RSPO4: variants seen among roughly 807,000 people sequenced by gnomAD.
RSPO4 encodes R-spondin-4.
A neutral mutation model predicts 24.8 loss-of-function variants in RSPO4; 23 were observed. The ratio of observed to expected loss-of-function variants is 0.93; its 90% CI spans 0.67 to 1.31. The LOEUF (loss-of-function observed/expected upper bound fraction) is 1.31. Ranked by LOEUF, RSPO4 falls within the 40% of genes most tolerant of loss-of-function variation. RSPO4 has a pLI of 0.00. For missense variants in RSPO4, 333 were observed against 316.5 expected (o/e 1.05, Z -0.39); for synonymous variants, 141 against 127.4 (o/e 1.11, Z -0.72).
rs542081072 is a variant in RSPO4, at chr20:964,137, G to GAGAC, written c.410-21_410-18dup. On this transcript the variant is annotated splice_polypyrimidine_tract_variant and intron_variant, in intron 3 of 4. Coordinates refer to ENST00000217260, the MANE Select transcript of RSPO4 (RefSeq NM_001029871.4). ...CACACTCCCCTGTGGGGTGAAAGGAGAGACAGACAGACAGACAGACAGGGT... is the reference window on the plus strand; with the variant it reads ...CACACTCCCCTGTGGGGTGAAAGGAGAGACAGACAGACAGACAGACAGACAGGGT... The GAGAC allele has an allele frequency of 1.0e-4, 162 of 1,597,792 alleles. No individual in the cohort carries two copies. In the South Asian group the frequency reaches 1.1e-3, roughly 11 times the overall value.
intron 1 of RSPO4, among the ~76,000 whole-genome samples, chr20:997,721 C>A (rs775462447): frequency 3.9e-5 from 6 of 152,338 alleles, no homozygotes; most frequent in Non-Finnish European, 8.8e-5. Flanking sequence ...TGGCCCTCCA[C>A]AAGGGGCTTT....
At chr20:996,471 C>T (rs1985294202) in intron 1 of RSPO4, among the ~76,000 whole-genome samples, 1 of 152,212 alleles carries the variant, frequency 6.6e-6, no homozygotes, top group Non-Finnish European at 1.5e-5. Context: ...ACCACCACCA[C>T]CAGCCTGCTC....
chr20:966,583 C>T (rs951689587), intron 3 of RSPO4, among the ~76,000 whole-genome samples: 1 of 152,100 alleles, frequency 6.6e-6, no homozygotes, highest in South Asian at 2.1e-4. Flanking sequence ...CAGTGCTCAG[C>T]CAGGTGTGGT....
intron 1 of RSPO4, among the ~76,000 whole-genome samples, chr20:980,198 C>T (rs1275303338): frequency 6.6e-6 from 1 of 152,148 alleles, no homozygotes. Flanking sequence ...GATATTCAAA[C>T]CCAGGCAGTG....
intron 1 of RSPO4, among the ~76,000 whole-genome samples, chr20:999,043 T>G (rs910470503): frequency 1.3e-5 from 2 of 150,094 alleles, no homozygotes; most frequent in African/African-American, 4.9e-5. Flanking sequence ...TGGGGTGCAG[T>G]GGCACAATCA....
intron 1 of RSPO4, among the ~76,000 whole-genome samples, chr20:996,942 T>G (rs1480647521): frequency 6.6e-6 from 1 of 152,176 alleles, no homozygotes; most frequent in Non-Finnish European, 1.5e-5. Context: ...CCGATGGGGT[T>G]CCTCTCAGAC....
At chr20:982,398 TGTC>T (rs942626938) in intron 1 of RSPO4, among the ~76,000 whole-genome samples, 2 of 152,258 alleles carry the variant, frequency 1.3e-5, no homozygotes, top group Non-Finnish European at 2.9e-5. Context: ...GCCATGAAGT[TGTC>T]AAGCATATGC....
intron 1 of RSPO4, among the ~76,000 whole-genome samples, chr20:999,322 T>C (rs1250212901): frequency 1.3e-5 from 2 of 152,188 alleles, no homozygotes; most frequent in Non-Finnish European, 1.5e-5. Context: ...GGTTACACTG[T>C]CTGTCTCCAC....
rs1313734393 is a variant in RSPO4, at chr20:968,062, C to T, written c.156G>A (p.Gln52=). Residue 52 remains glutamine (Q), a synonymous_variant, in exon 2 of 5, where the codon CAG becomes CAA. Coordinates refer to ENST00000217260, the MANE Select transcript of RSPO4 (RefSeq NM_001029871.4). ...SEENGCSTCQ[Q]RLFLFIRREG... ...CCCGGCGGATGAACAGGAAGAGCCTCTGCTGGCAGGTGGAACAGCCGTTCT... is the reference window on the plus strand; with the variant it reads ...CCCGGCGGATGAACAGGAAGAGCCTTTGCTGGCAGGTGGAACAGCCGTTCT... 6.2e-7 allele frequency: 1 copy of T among 1,614,232 alleles called. No individual in the cohort carries two copies.
intron 3 of RSPO4, 24 bp downstream of exon 3, chr20:967,150 C>A (rs762609352): frequency 1.2e-6 from 2 of 1,608,790 alleles, no homozygotes; most frequent in Middle Eastern, 1.7e-4. Flanking sequence ...GGGGCAGGGG[C>A]AGGGCGGGGA....
intron 1 of RSPO4, among the ~76,000 whole-genome samples, chr20:978,527 TC>T (rs1278395579): frequency 1.3e-5 from 2 of 152,208 alleles, no homozygotes; most frequent in Non-Finnish European, 2.9e-5. Context: ...ATTCATTATT[TC>T]TTAAATGAAT....
chr20:1,001,565 G>GTGC (rs1195686572), intron 1 of RSPO4, among the ~76,000 whole-genome samples: 3 of 152,160 alleles, frequency 2.0e-5, no homozygotes, highest in Admixed American at 2.0e-4. Context: ...CAGGTCTCAG[G>GTGC]TCTGGCTGAA....
Position 967,370 on chromosome 20 carries a change from C to T in RSPO4, c.269-56G>A. 7 of 1,598,830 alleles carry T rather than the reference C, an allele frequency of 4.4e-6. No homozygotes were observed. The East Asian group carries it at 1.1e-4, about 25-fold the overall frequency. On this transcript the variant is annotated intron_variant, in intron 2 of 4. Transcript: ENST00000217260. ...GGGAGACTGCCAAGGATGGGGCCCA[C>T]TGGGTCTGCCCGAGGTGGAAGGCCC...
rs776608135 is a variant in RSPO4, at chr20:968,111, G to C, written c.107C>G (p.Thr36Arg). 1 of 1,614,158 alleles carries C rather than the reference G, an allele frequency of 6.2e-7. No individual in the cohort carries two copies. The highest frequency in any genetic ancestry group is 8.5e-7 in the Non-Finnish European group (1 of 1,180,044). The part of the protein sequence containing the change: ...QVGTGLGGNC[T>R]GCIICSEENG... ...CTCCTCTGAGCAGATGATACAGCCT[G>C]TGCAGTTGCCCCCCAGGCCAGTGCC... Residue 36 changes from threonine to arginine, a missense_variant, in exon 2 of 5, where the codon ACA (threonine) becomes AGA (arginine). Transcript: ENST00000217260.
rs527439357 is a variant in RSPO4 at position 970,980 on chromosome 20, C to T, written c.80-2842G>A. Among the ~76,000 whole-genome samples the T allele has an allele frequency of 2.2e-4, 33 of 152,196 alleles. No individual in the cohort carries two copies. The highest frequency in any genetic ancestry group is 6.7e-4 in the African/African-American group (28 of 41,552). The stretch of plus-strand genomic sequence containing the variant: ...GCCTCAGCCTCCTAAGTAGCTGGGA[C>T]TACAGGCATGTCCCACCACACCAAG... On this transcript the variant is annotated intron_variant, in intron 1 of 4. Transcript: ENST00000217260. This position sits in a 1 kb window ranked among gnomAD's most constrained non-coding sequence, Gnocchi z 4.1.
At chr20:993,311 G>A (rs1985170074) in intron 1 of RSPO4, among the ~76,000 whole-genome samples, 1 of 152,262 alleles carries the variant, frequency 6.6e-6, no homozygotes, top group South Asian at 2.1e-4. Context: ...GGCCCAGCAT[G>A]GGACAGCAGT....
intron 1 of RSPO4, among the ~76,000 whole-genome samples, chr20:994,171 A>G (rs1045597675): frequency 6.6e-6 from 1 of 152,224 alleles, no homozygotes; most frequent in Non-Finnish European, 1.5e-5. Flanking sequence ...ACCACGAAAC[A>G]AAATCCAAAG....
intron 1 of RSPO4, among the ~76,000 whole-genome samples, chr20:1,000,670 C>G (rs1407048928): frequency 6.6e-6 from 1 of 152,188 alleles, no homozygotes; most frequent in Non-Finnish European, 1.5e-5. Context: ...CAGTTGGTAA[C>G]TGGGGAAGCT....
chr20:977,008 C>T (rs1377119612), intron 1 of RSPO4, among the ~76,000 whole-genome samples: 7 of 152,128 alleles, frequency 4.6e-5, no homozygotes, highest in African/African-American at 1.7e-4. Flanking sequence ...CCTACCCCTC[C>T]CTATTGTATT....
Sources: allele counts gnomAD v4.1 joint callset (sites outside exome capture counted in the v4.1 genomes callset), GRCh38; gene constraint gnomAD v4.1.1; non-coding constraint Gnocchi (gnomAD v3.1); transcripts MANE v1.5; gene names NCBI Gene and HGNC (gene_info 2026-07-23, HGNC 2026-07-21).